Variants in MYH15 observed in about 807,000 individuals in gnomAD.
The protein encoded by MYH15 is myosin heavy chain 15.
MYH15 carries 227 observed loss-of-function variants against 240.5 expected under a neutral mutation model. That is an observed-to-expected ratio of 0.94 (90% CI 0.85 to 1.05). The LOEUF (loss-of-function observed/expected upper bound fraction) is 1.05, where lower values mean the gene tolerates loss of function less well. Among genes scored for constraint, MYH15 ranks in the 50% least tolerant of loss-of-function variants. The pLI, the probability that MYH15 is intolerant of heterozygous loss-of-function variation, is 0.00. For synonymous variants in MYH15, 785 were observed against 796.7 expected (o/e 0.99, Z 0.25); for missense variants, 2,217 against 2,247.5 (o/e 0.99, Z 0.27).
chr3:108,385,924 AC>A (rs1422308575), intron 38 of MYH15, among the ~76,000 whole-genome samples: 2 of 151,908 alleles, frequency 1.3e-5, no homozygotes, highest in African/African-American at 4.8e-5. Flanking sequence ...ACACACCACC[AC>A]CTTAAAGTAC....
In MYH15 at chr3:108,492,510, T is replaced by C. The variant is rs1250383352; in HGVS notation, c.861A>G (p.Lys287=). ...GAATCCTACACTTACCATGAAGCTC[T>C]TTTTGTCCAGATAGAATTTGATAGA... The part of the protein sequence containing the change: ...HIFYQILSGQ[K]ELHDLLLVSA... The change falls in exon 9 of 41, where the codon AAA becomes AAG. Residue 287 remains lysine (K), a synonymous_variant. Transcript: ENST00000693548. The C allele has an allele frequency of 1.2e-6, 2 of 1,610,948 alleles. No individual in the cohort carries two copies. Among genetic ancestry groups the C allele is most frequent in the East Asian group, 4.5e-5 (2 of 44,804 alleles).
chr3:108,524,024 G>A (rs918673331), intron 1 of MYH15, among the ~76,000 whole-genome samples: 17 of 151,670 alleles, frequency 1.1e-4, no homozygotes, highest in African/African-American at 4.1e-4. Context: ...ATCCTTGTAC[G>A]TGTGTCATTA....
chr3:108,495,703 C>A (rs138116353), intron 7 of MYH15, 77 bp downstream of exon 7: 8 of 1,099,762 alleles, frequency 7.3e-6, no homozygotes, highest in South Asian at 1.6e-5. Context: ...TTTTTTCATA[C>A]CTATGTGCTT....
chr3:108,451,289 A>G (rs1048481796), intron 21 of MYH15, among the ~76,000 whole-genome samples: 1 of 152,194 alleles, frequency 6.6e-6, no homozygotes. Context: ...CTGAAGCACA[A>G]TAATCACTTG....
intron 22 of MYH15, among the ~76,000 whole-genome samples, chr3:108,443,957 A>C (rs1267270962): frequency 8.4e-6 from 1 of 119,682 alleles, no homozygotes; most frequent in South Asian, 2.8e-4. Context: ...ATGAGAACAC[A>C]TGGACACAGG....
chr3:108,485,662 T>A (rs2083299985), intron 10 of MYH15, among the ~76,000 whole-genome samples: 1 of 152,076 alleles, frequency 6.6e-6, no homozygotes, highest in African/African-American at 2.4e-5. Flanking sequence ...AAAAGAAAGG[T>A]TTAAGAAAAG....
At chr3:108,520,311 C>T (rs1028737746) in intron 1 of MYH15, among the ~76,000 whole-genome samples, 12 of 152,084 alleles carry the variant, frequency 7.9e-5, no homozygotes, top group African/African-American at 1.9e-4. Context: ...AACCCCCATG[C>T]GAAAACTATC....
Position 108,455,588 on chromosome 3 carries a change from G to A in MYH15, c.2262+148C>T, listed in dbSNP as rs371049181. 7.5e-6 allele frequency: 7 copies of A among 930,036 alleles called. No homozygotes were observed. The African/African-American group carries it at 8.1e-5, about 11-fold the overall frequency. 57.6% of individuals were successfully genotyped at this position (930,036 alleles called of 1,614,324 possible). ...AATATTTTTCTCAAACAGCACCGAA[G>A]TTTTCACCTTCAGCTAAGATCTGTT... is the stretch of plus-strand genomic sequence containing the variant. On this transcript the variant is annotated intron_variant, in intron 20 of 40. Coordinates refer to ENST00000693548, the MANE Select transcript of MYH15 (RefSeq NM_014981.3).
upstream of MYH15, among the ~76,000 whole-genome samples, chr3:108,532,969 G>A: frequency 6.6e-6 from 1 of 152,112 alleles, no homozygotes; most frequent in East Asian, 1.9e-4. Flanking sequence ...GAAACATGAT[G>A]ACAGTGATTA....
Position 108,463,895 on chromosome 3 carries a change from C to T in MYH15, c.1732-652G>A, listed in dbSNP as rs144981117. On this transcript the variant is annotated intron_variant, in intron 15 of 40. Coordinates refer to ENST00000693548, the MANE Select transcript of MYH15 (RefSeq NM_014981.3). Reference sequence around the variant, plus strand: ...AGGAAGGATTGAATGGCATTTCACACCAGCAGTCCTTTAAAGGCAAGAATG... The same window carrying T: ...AGGAAGGATTGAATGGCATTTCACATCAGCAGTCCTTTAAAGGCAAGAATG... Among the ~76,000 whole-genome samples the T allele has an allele frequency of 6.6e-3, 1,001 of 151,970 alleles. 9 individuals carry two copies. The highest frequency in any genetic ancestry group is 0.019 in the African/African-American group (798 of 41,434).
intron 11 of MYH15, among the ~76,000 whole-genome samples, chr3:108,480,790 G>C (rs760170129): frequency 7.9e-5 from 12 of 152,144 alleles, no homozygotes; most frequent in Non-Finnish European, 1.3e-4. Flanking sequence ...CAGAGTTTAG[G>C]ATACTAGAAA....
intron 2 of MYH15, among the ~76,000 whole-genome samples, chr3:108,505,281 T>C (rs776283208): frequency 6.6e-6 from 1 of 152,166 alleles, no homozygotes; most frequent in Non-Finnish European, 1.5e-5. Flanking sequence ...GTTTGTTTGT[T>C]TGTTTTTGGT....
At chr3:108,396,630 A>T (rs556520670) in intron 35 of MYH15, among the ~76,000 whole-genome samples, 6 of 152,234 alleles carry the variant, frequency 3.9e-5, no homozygotes, top group South Asian at 4.1e-4. Context: ...TTACTTTTTT[A>T]AAAAAAGTCT....
Position 108,421,158 on chromosome 3 carries a change from T to G in MYH15, c.3759A>C (p.Ala1253=). ...CCAACTGAGTCACCTTATCTAGCTT[T>G]GCAGTTGCTTCATGCAAGCGCTCTT... ...LYEERLHEAT[A]KLDKVTQLAN... is the part of the protein sequence containing the mutation. The change falls in exon 28 of 41, where the codon GCA becomes GCC. Residue 1253 remains alanine, a synonymous_variant. Transcript: ENST00000693548. The G allele has an allele frequency of 6.2e-7, 1 of 1,614,122 alleles. No homozygotes were observed. The highest frequency in any genetic ancestry group is 2.2e-5 in the East Asian group (1 of 44,890).
At chr3:108,399,288 G>T (rs1325663416) in intron 33 of MYH15, 21 bp from the exon 34 acceptor site, 1 of 1,584,582 alleles carries the variant, frequency 6.3e-7, no homozygotes, top group South Asian at 1.1e-5. Flanking sequence ...ATAACATTTG[G>T]AGTGGGGGAA....
In MYH15 at chr3:108,495,839, T is replaced by C. The variant is rs773751137; in HGVS notation, c.652A>G (p.Thr218Ala). 4.8e-5 allele frequency: 77 copies of C among 1,612,408 alleles called. No homozygotes were observed. The South Asian group carries it at 4.9e-4, about 10-fold the overall frequency. ...GCATTTCCAAATGCTTCCAAGATAG[T>C]ATTCGCTTGCATGATTTGATCTTCT... ...ALEDQIMQAN[T>A]ILEAFGNAKT... is the part of the protein sequence containing the mutation. The change falls in exon 7 of 41, where the codon ACT (threonine) becomes GCT (alanine). Residue 218 changes from threonine to alanine, a missense_variant. By Grantham distance (58) the Thr-to-Ala change is moderately conservative (BLOSUM62 0). Coordinates refer to ENST00000693548, the MANE Select transcript of MYH15 (RefSeq NM_014981.3).
At chr3:108,474,204 A>T (rs2083200672) in intron 12 of MYH15, among the ~76,000 whole-genome samples, 1 of 152,080 alleles carries the variant, frequency 6.6e-6, no homozygotes, top group African/African-American at 2.4e-5. Flanking sequence ...GTCTCTATAA[A>T]ATCAGAAAAA....
At chr3:108,386,190 T>C (rs1258287673) in intron 38 of MYH15, among the ~76,000 whole-genome samples, 2 of 152,184 alleles carry the variant, frequency 1.3e-5, no homozygotes, top group Non-Finnish European at 2.9e-5. Flanking sequence ...AGAGAGTAAA[T>C]TGGTCATAAA....
chr3:108,470,784 C>T lies in MYH15; in HGVS notation c.1297G>A (p.Ala433Thr), dbSNP rs1313052992. The T allele has an allele frequency of 1.9e-6, 3 of 1,613,820 alleles. No individual in the cohort carries two copies. The highest frequency in any genetic ancestry group is 3.3e-5 in the Admixed American group (2 of 59,990). ...GCATCCAGGGCCCTGTTGATCCGTG[C>T]CACTAGCCACTTAAACATCCTTTCA... is the stretch of plus-strand genomic sequence containing the variant. ...MYERMFKWLV[A>T]RINRALDAKL... The change falls in exon 13 of 41, where the codon GCA becomes ACA. Residue 433 changes from alanine to threonine, a missense_variant. Coordinates refer to ENST00000693548, the MANE Select transcript of MYH15 (RefSeq NM_014981.3).
Sources: gnomAD v4.1 joint callset for allele counts (sites outside exome capture counted in the v4.1 genomes callset) on GRCh38, gnomAD v4.1.1 for gene constraint, MANE v1.5 for transcripts, NCBI Gene and HGNC (gene_info 2026-07-23, HGNC 2026-07-21) for gene names.